The following AGBL1 variants were observed in gnomAD, a reference collection of about 807,000 sequenced individuals.
The protein encoded by AGBL1 is cytosolic carboxypeptidase 4.
In AGBL1, 130 loss-of-function variants were observed where a neutral mutation model predicts 118.9. That is an observed-to-expected ratio of 1.09 (90% CI 0.95 to 1.26). The LOEUF (loss-of-function observed/expected upper bound fraction) is 1.26. Among genes scored for constraint, AGBL1 ranks in the 50% most tolerant of loss-of-function variants. The pLI is 0.00. For missense variants in AGBL1, 1,584 were observed against 1,298.1 expected, an observed-to-expected ratio of 1.22 and a Z score of -3.38; for synonymous variants, 555 against 478.9, an observed-to-expected ratio of 1.16 and a Z score of -2.08.
chr15:86,396,408 A>C (rs2081365056), intron 17 of AGBL1, among the ~76,000 whole-genome samples: 1 of 151,986 alleles, frequency 6.6e-6, no homozygotes, highest in Non-Finnish European at 1.5e-5. Context: ...TCATCAGCAC[A>C]TTCTCCATAA....
chr15:86,898,945 G>T (rs1379745055), intron 22 of AGBL1, among the ~76,000 whole-genome samples: 1 of 152,156 alleles, frequency 6.6e-6, no homozygotes, highest in Non-Finnish European at 1.5e-5. Flanking sequence ...TGGTGGGAGT[G>T]TAAATTAGTT....
At chr15:86,568,179 C>T (rs750107389) in intron 21 of AGBL1, among the ~76,000 whole-genome samples, 29 of 152,044 alleles carry the variant, frequency 1.9e-4, no homozygotes, top group Non-Finnish European at 3.4e-4. Context: ...TTCTCTAGCT[C>T]CTGGGACACT....
At chr15:86,794,204 C>T (rs1310658549) in intron 22 of AGBL1, among the ~76,000 whole-genome samples, 1 of 152,156 alleles carries the variant, frequency 6.6e-6, no homozygotes, top group Non-Finnish European at 1.5e-5. Flanking sequence ...ACTGAAATGT[C>T]TATCAACTGA....
At chr15:86,699,890 G>T (rs980543166) in intron 22 of AGBL1, among the ~76,000 whole-genome samples, 1 of 151,936 alleles carries the variant, frequency 6.6e-6, no homozygotes, top group African/African-American at 2.4e-5. Context: ...TTAAAATTAT[G>T]CACCTACCAG....
chr15:86,344,213 C>A (rs530989049), intron 17 of AGBL1, among the ~76,000 whole-genome samples: 6 of 152,274 alleles, frequency 3.9e-5, no homozygotes, highest in South Asian at 2.1e-4. Context: ...AGAATTGTAC[C>A]ACGGGCCTTA....
chr15:86,146,809 A>G (rs1300094790), intron 3 of AGBL1, among the ~76,000 whole-genome samples: 1 of 152,174 alleles, frequency 6.6e-6, no homozygotes, highest in Non-Finnish European at 1.5e-5. Context: ...TTTTCTGATG[A>G]AGGGAATGGG....
At chr15:86,761,877 G>A (rs2078029304) in intron 22 of AGBL1, among the ~76,000 whole-genome samples, 1 of 151,934 alleles carries the variant, frequency 6.6e-6, no homozygotes, top group Non-Finnish European at 1.5e-5. Flanking sequence ...GTTGCAATTG[G>A]TTTTGGCAAT....
At chr15:86,823,568 G>T (rs1201215921) in intron 22 of AGBL1, among the ~76,000 whole-genome samples, 1 of 152,130 alleles carries the variant, frequency 6.6e-6, no homozygotes, top group East Asian at 1.9e-4. Flanking sequence ...AGGAAATATA[G>T]ACTACATGCA....
intron 18 of AGBL1, among the ~76,000 whole-genome samples, chr15:86,447,682 C>G (rs773921175): frequency 6.6e-6 from 1 of 152,114 alleles, no homozygotes; most frequent in Non-Finnish European, 1.5e-5. Flanking sequence ...AAGCATGAAC[C>G]AGACACTAGA....
chr15:86,631,396 C>T (rs2084963136), intron 21 of AGBL1, among the ~76,000 whole-genome samples: 1 of 152,084 alleles, frequency 6.6e-6, no homozygotes, highest in African/African-American at 2.4e-5. Flanking sequence ...CTTAAGGGGT[C>T]AGTAACAGCA....
chr15:86,330,874 T>C (rs572960402), intron 17 of AGBL1, among the ~76,000 whole-genome samples: 16 of 152,258 alleles, frequency 1.1e-4, no homozygotes, highest in Middle Eastern at 3.4e-3. Flanking sequence ...ATTTCAGAGC[T>C]TGAAGATTAG....
At chr15:86,534,185 G>T (rs983442210) in intron 19 of AGBL1, among the ~76,000 whole-genome samples, 1 of 150,616 alleles carries the variant, frequency 6.6e-6, no homozygotes, top group Non-Finnish European at 1.5e-5. Context: ...AGAAAGTAGA[G>T]TCAGGTCTAC....
At chr15:86,674,212 A>T in intron 21 of AGBL1, 61 bp from the exon 22 acceptor site, 1 of 1,486,658 alleles carries the variant, frequency 6.7e-7, no homozygotes, top group Non-Finnish European at 9.2e-7. Context: ...CCTAATTTCA[A>T]AGTGTCACCA....
chr15:86,676,209 A>T (rs1229007093), intron 22 of AGBL1, among the ~76,000 whole-genome samples: 6 of 152,194 alleles, frequency 3.9e-5, no homozygotes, highest in Admixed American at 3.9e-4. Flanking sequence ...ATATATTTGA[A>T]TTAAGTTTGG....
At chr15:86,887,166 T>C (rs1373008323) in intron 22 of AGBL1, among the ~76,000 whole-genome samples, 1 of 152,202 alleles carries the variant, frequency 6.6e-6, no homozygotes, top group Admixed American at 6.5e-5. Flanking sequence ...GGTACATATA[T>C]GTAAAGGTAT....
intron 21 of AGBL1, among the ~76,000 whole-genome samples, chr15:86,650,962 A>G (rs1456108043): frequency 2.0e-5 from 3 of 152,244 alleles, no homozygotes; most frequent in Non-Finnish European, 4.4e-5. Context: ...TTCTGTAGTT[A>G]GTAAATCCCT....
At chr15:86,852,357 A>C (rs2079419810) in intron 22 of AGBL1, among the ~76,000 whole-genome samples, 1 of 152,160 alleles carries the variant, frequency 6.6e-6, no homozygotes, top group African/African-American at 2.4e-5. Flanking sequence ...CCACACACTG[A>C]GAGTACATGT....
chr15:86,512,668 T>A (rs1489998986), intron 18 of AGBL1, among the ~76,000 whole-genome samples: 1 of 151,830 alleles, frequency 6.6e-6, no homozygotes, highest in Non-Finnish European at 1.5e-5. Context: ...ATTATTCATA[T>A]GTTAGATGTT....
chr15:86,341,830 C>T (rs570636171), intron 17 of AGBL1, among the ~76,000 whole-genome samples: 1 of 152,102 alleles, frequency 6.6e-6, no homozygotes, highest in South Asian at 2.1e-4. Context: ...TGAGTCATTG[C>T]TTTAAGGAGG....
Sources: allele counts gnomAD v4.1 joint callset (sites outside exome capture counted in the v4.1 genomes callset), GRCh38; gene constraint gnomAD v4.1.1; transcripts MANE v1.5; gene names NCBI Gene and HGNC (gene_info 2026-07-23, HGNC 2026-07-21).